The following ABCA9 variants were observed in gnomAD, a reference collection of about 807,000 sequenced individuals.
The protein encoded by ABCA9 is ATP-binding cassette sub-family A member 9.
Under a neutral mutation model 205.3 loss-of-function variants are expected in ABCA9, and 183 were observed. That is an observed-to-expected ratio of 0.89 (90% CI 0.79 to 1.01). The LOEUF (loss-of-function observed/expected upper bound fraction) is 1.01, where lower values mean the gene tolerates loss of function less well. Among genes scored for constraint, ABCA9 ranks in the 50% least tolerant of loss-of-function variants. The pLI is 0.00. For missense variants in ABCA9, 1,805 were observed against 1,912.4 expected, an observed-to-expected ratio of 0.94 and a Z score of 1.05; for synonymous variants, 651 against 683.3, an observed-to-expected ratio of 0.95 and a Z score of 0.74.
intron 26 of ABCA9, among the ~76,000 whole-genome samples, chr17:68,993,810 A>G (rs1396013809): frequency 6.6e-6 from 1 of 152,140 alleles, no homozygotes; most frequent in Non-Finnish European, 1.5e-5. Context: ...CCAGTTGCCC[A>G]CTTTCAATAA....
chr17:68,986,925 C>A (rs2069256688), intron 31 of ABCA9, among the ~76,000 whole-genome samples: 1 of 152,058 alleles, frequency 6.6e-6, no homozygotes. Context: ...AAATTCTGAA[C>A]TAAGAAATAA....
chr17:68,986,096 A>C, intron 32 of ABCA9, 68 bp downstream of exon 32: 1 of 1,462,332 alleles, frequency 6.8e-7, no homozygotes, highest in South Asian at 1.5e-5. Flanking sequence ...CCCTGTCTTC[A>C]TTTTGTGTGT....
chr17:69,044,963 A>T (rs1028220806), intron 4 of ABCA9, among the ~76,000 whole-genome samples: 6 of 152,182 alleles, frequency 3.9e-5, no homozygotes, highest in African/African-American at 1.4e-4. Context: ...GCAACTTAGA[A>T]ATAAGAGTAA....
rs141379288 is a variant in ABCA9 at position 69,047,713 on chromosome 17, A to G, written c.304+1570T>C. 4.2e-3 allele frequency among the ~76,000 whole-genome samples: 641 copies of G among 152,300 alleles called. 8 individuals carry two copies. Among genetic ancestry groups the G allele is most frequent in the African/African-American group, 0.015 (617 of 41,570 alleles). On this transcript the variant is annotated intron_variant, in intron 3 of 38. Transcript: ENST00000340001. ...GTTCCTGTTTTCCCATTTGTGCAGGATGGCAAAGGTCACAAGACATGCCTA... is the reference window on the plus strand; with the variant it reads ...GTTCCTGTTTTCCCATTTGTGCAGGGTGGCAAAGGTCACAAGACATGCCTA...
At chr17:69,060,079 A>C (rs755152725) in intron 1 of ABCA9, among the ~76,000 whole-genome samples, 18 of 152,220 alleles carry the variant, frequency 1.2e-4, no homozygotes, top group Non-Finnish European at 2.9e-5. Flanking sequence ...TGTGAATAAA[A>C]AACAATTACA....
chr17:69,062,667 C>A (rs556066905), upstream of ABCA9, among the ~76,000 whole-genome samples: 1 of 152,040 alleles, frequency 6.6e-6, no homozygotes, highest in Non-Finnish European at 1.5e-5. Context: ...CCTGCCACCA[C>A]GGCCAGCTAA....
At position 68,983,964 on chromosome 17, in the gene ABCA9, G is replaced by C; in HGVS notation, c.4499+92C>G. ...CATAGAGTTGGAAGCAACCATGCTA[G>C]CTCCTCACGATGGGTAGCCTGGTGC... On this transcript the variant is annotated intron_variant, in intron 35 of 38. Coordinates refer to ENST00000340001, the MANE Select transcript of ABCA9 (RefSeq NM_080283.4). 1.2e-6 allele frequency: 2 copies of C among 1,600,852 alleles called. 1 individual carries two copies. The highest frequency in any genetic ancestry group is 2.2e-5 in the South Asian group (2 of 89,298).
intron 18 of ABCA9, 34 bp downstream of exon 18, chr17:69,021,692 CCTTCCTTTCTTTCTTT>C: frequency 8.2e-7 from 1 of 1,226,036 alleles, no homozygotes; most frequent in Non-Finnish European, 1.1e-6. Flanking sequence ...TTCCTTCCTT[CCTTCCTTTCTTTCTTT>C]CTCCCTTTCT....
chr17:69,044,855 C>T lies in ABCA9; in HGVS notation c.470-255G>A, dbSNP rs541931926. Among the ~76,000 whole-genome samples, 7 of 152,246 alleles carry T rather than the reference C, an allele frequency of 4.6e-5. No homozygotes were observed. In the South Asian group the frequency reaches 1.5e-3, roughly 32 times the overall value. The stretch of plus-strand genomic sequence containing the variant: ...ATTGGTCAAGATTGCTTTCCTTGAG[C>T]TTGGATCTTCTGTTGCTTACGTCAA... On this transcript the variant is annotated intron_variant, in intron 4 of 38. Coordinates refer to ENST00000340001, the MANE Select transcript of ABCA9 (RefSeq NM_080283.4).
intron 30 of ABCA9, 124 bp from the exon 31 acceptor site, chr17:68,989,242 C>CCTCTCTCT (rs569197969): frequency 8.1e-5 from 27 of 335,378 alleles, no homozygotes; most frequent in Non-Finnish European, 1.3e-4. Flanking sequence ...TTCCCTTATT[C>CCTCTCTCT]CTCTCTCTCT....
rs1598342488 is a variant in ABCA9 at position 68,993,056 on chromosome 17, C to T, written c.3584G>A (p.Gly1195Glu). The T allele has an allele frequency of 6.2e-7, 1 of 1,613,610 alleles. No homozygotes were observed. The highest frequency in any genetic ancestry group is 2.2e-5 in the East Asian group (1 of 44,858). ...EISPDSMDYL[G>E]ASESEIVYLA... Reference sequence around the variant, plus strand: ...GTATACAATTTCAGATTCTGAAGCTCCTAAGTAATCCATGGAATCAGGAGA... The same window carrying T: ...GTATACAATTTCAGATTCTGAAGCTTCTAAGTAATCCATGGAATCAGGAGA... The change falls in exon 27 of 39, where the codon GGA becomes GAA. Residue 1195 changes from glycine to glutamate, a missense_variant. Gly to Glu is a moderately conservative substitution (Grantham distance 98). Transcript: ENST00000340001.
At chr17:68,979,986 A>G (rs909263959) in intron 37 of ABCA9, among the ~76,000 whole-genome samples, 22 of 152,220 alleles carry the variant, frequency 1.4e-4, no homozygotes, top group Non-Finnish European at 2.8e-4. Context: ...CTACCATCAG[A>G]GTGAACAGGC....
Position 69,043,624 on chromosome 17 carries a change from G to T in ABCA9, c.665C>A (p.Ala222Glu). 6.2e-7 allele frequency: 1 copy of T among 1,613,646 alleles called. No homozygotes were observed. The highest frequency in any genetic ancestry group is 2.2e-5 in the East Asian group (1 of 44,822). The stretch of plus-strand genomic sequence containing the variant: ...GCAAAAGAAAATGAAAAAATCAGTT[G>T]CAACTCCTCCTTGGGCAACAAAAGG... ...ILPFVAQGGV[A>E]TDFFIFFCII... is the part of the protein sequence containing the mutation. Residue 222 changes from alanine (A) to glutamate (E), a missense_variant, in exon 6 of 39, where the codon GCA (alanine) becomes GAA (glutamate). Physicochemically the swap from Ala to Glu is moderately radical, Grantham distance 107. Transcript: ENST00000340001.
At chr17:69,063,593 GT>G (rs1175605490), upstream of ABCA9, among the ~76,000 whole-genome samples, 1 of 151,824 alleles carries the variant, frequency 6.6e-6, no homozygotes, top group Non-Finnish European at 1.5e-5. Flanking sequence ...TTTGTTTTTT[GT>G]TTTGTTTTGT....
upstream of ABCA9, among the ~76,000 whole-genome samples, chr17:69,065,613 C>T (rs1170214744): frequency 6.6e-6 from 1 of 152,140 alleles, no homozygotes; most frequent in African/African-American, 2.4e-5. Context: ...TCTTTGCTCT[C>T]CTGTAACTAA....
Position 69,049,925 on chromosome 17 carries a change from C to G in ABCA9, c.97-435G>C, listed in dbSNP as rs565042060. On this transcript the variant is annotated intron_variant, in intron 2 of 38. Coordinates refer to ENST00000340001, the MANE Select transcript of ABCA9 (RefSeq NM_080283.4). ...GCTGGTATGTGGAAGAAGATAGTCC[C>G]AAAATGTTGCTCATAAAAAAACAAA... Among the ~76,000 whole-genome samples, 8 of 151,956 alleles carry G rather than the reference C, an allele frequency of 5.3e-5. No individual in the cohort carries two copies. In the South Asian group the frequency reaches 1.0e-3, roughly 20 times the overall value.
At chr17:69,016,483 A>G (rs2070619312) in intron 21 of ABCA9, 93 bp from the exon 22 acceptor site, 8 of 1,185,192 alleles carry the variant, frequency 6.7e-6, no homozygotes, top group Non-Finnish European at 9.3e-6. Context: ...AGTTACTGAT[A>G]ATATAATAAG....
chr17:68,983,762 C>T lies in ABCA9; in HGVS notation c.4587G>A (p.Glu1529=). ...GCCTCAGGATCTCTGCATGGAGGGG[C>T]TCCATTTGTGCCAGGTTCTTCAGCT... ...EMKLKNLAQM[E]PLHAEILRLF... Residue 1529 remains glutamate (E), a synonymous_variant, in exon 36 of 39, where the codon GAG becomes GAA. Transcript: ENST00000340001. The T allele has an allele frequency of 1.2e-6, 2 of 1,614,212 alleles. No individual in the cohort carries two copies. Among genetic ancestry groups the T allele is most frequent in the Non-Finnish European group, 8.5e-7 (1 of 1,180,038 alleles).
chr17:69,050,104 G>T (rs976929924), intron 2 of ABCA9, among the ~76,000 whole-genome samples: 1 of 151,968 alleles, frequency 6.6e-6, no homozygotes, highest in East Asian at 1.9e-4. Context: ...TTCATCATAT[G>T]ATCCTTTTTT....
Sources: allele counts gnomAD v4.1 joint callset (sites outside exome capture counted in the v4.1 genomes callset), GRCh38; gene constraint gnomAD v4.1.1; transcripts MANE v1.5; gene names NCBI Gene and HGNC (gene_info 2026-07-23, HGNC 2026-07-21).